ROR1: variants seen among roughly 807,000 people sequenced by gnomAD.
ROR1 encodes the protein ROR family WNT receptor 1.
A neutral mutation model predicts 78.8 loss-of-function variants in ROR1; 19 were observed. That is an observed-to-expected ratio of 0.24 (90% CI 0.17 to 0.35). ROR1 has a LOEUF of 0.35. Ranked by LOEUF, ROR1 falls within the 10% of genes least tolerant of loss-of-function variation. ROR1 has a pLI of 1.00. For synonymous variants in ROR1, 386 were observed against 433.6 expected (o/e 0.89, Z 1.36); for missense variants, 917 against 1,177.8 (o/e 0.78, Z 3.24).
At chr1:63,970,626 T>C (rs1646111784) in intron 1 of ROR1, among the ~76,000 whole-genome samples, 3 of 152,160 alleles carry the variant, frequency 2.0e-5, no homozygotes, top group South Asian at 2.1e-4. Context: ...GAATCATACA[T>C]GGGCTGCTGT....
At chr1:63,930,557 T>C (rs1330879139) in intron 1 of ROR1, among the ~76,000 whole-genome samples, 4 of 152,202 alleles carry the variant, frequency 2.6e-5, no homozygotes, top group Admixed American at 2.6e-4. Context: ...GGTGGTAGAC[T>C]TACTGGGTGG....
At chr1:64,091,003 T>A (rs1256471996) in intron 4 of ROR1, among the ~76,000 whole-genome samples, 2 of 152,092 alleles carry the variant, frequency 1.3e-5, no homozygotes, top group African/African-American at 4.8e-5. Context: ...GTTATCAGCC[T>A]CTCTTGAGAA....
At chr1:63,934,688 G>T (rs1036619030) in intron 1 of ROR1, among the ~76,000 whole-genome samples, 1 of 152,212 alleles carries the variant, frequency 6.6e-6, no homozygotes, top group East Asian at 1.9e-4. Flanking sequence ...CTTTGTCAGG[G>T]TTTCCTTTTT....
At chr1:64,171,900 C>T (rs1390770506) in intron 8 of ROR1, among the ~76,000 whole-genome samples, 4 of 152,160 alleles carry the variant, frequency 2.6e-5, no homozygotes, top group South Asian at 2.1e-4. Flanking sequence ...AAATCCTCAC[C>T]GCATATCCTA....
At chr1:64,134,993 C>T (rs928961914) in intron 4 of ROR1, among the ~76,000 whole-genome samples, 34 of 152,194 alleles carry the variant, frequency 2.2e-4, no homozygotes, top group African/African-American at 7.9e-4. Flanking sequence ...AGATGATCCA[C>T]CCGTCTCGGC....
intron 1 of ROR1, among the ~76,000 whole-genome samples, chr1:64,001,994 G>C (rs1396412416): frequency 2.0e-5 from 3 of 152,096 alleles, no homozygotes. Flanking sequence ...GGGGGTGGTG[G>C]CTAGGGGACA....
rs375402118 is a variant in ROR1, at chr1:63,800,061, T to C, written c.91+25553T>C. ...AGGCTTGTGAATATTTTCCTTTCCT[T>C]AGCTCAGGAGATGGGCAGGCAGCCA... On this transcript the variant is annotated intron_variant, in intron 1 of 8. Transcript: ENST00000371079. 1.2e-4 allele frequency among the ~76,000 whole-genome samples: 18 copies of C among 152,312 alleles called. No individual in the cohort carries two copies. The East Asian group carries it at 2.7e-3, about 23-fold the overall frequency.
chr1:64,009,670 C>T (rs1646460256), intron 2 of ROR1, among the ~76,000 whole-genome samples: 1 of 152,028 alleles, frequency 6.6e-6, no homozygotes, highest in African/African-American at 2.4e-5. Flanking sequence ...TCTGACACTA[C>T]ATCTAGTGGA....
At chr1:63,989,967 T>G (rs1214370138) in intron 1 of ROR1, among the ~76,000 whole-genome samples, 1 of 152,172 alleles carries the variant, frequency 6.6e-6, no homozygotes, top group African/African-American at 2.4e-5. Flanking sequence ...CTAAAGCACT[T>G]GCTTTCATTG....
intron 1 of ROR1, among the ~76,000 whole-genome samples, chr1:63,808,735 A>G (rs953883276): frequency 6.6e-6 from 1 of 152,146 alleles, no homozygotes; most frequent in African/African-American, 2.4e-5. Context: ...TTTTCCAGTC[A>G]CTGTAGATGA....
intron 1 of ROR1, among the ~76,000 whole-genome samples, chr1:63,999,566 T>A (rs1333338386): frequency 6.6e-6 from 1 of 152,162 alleles, no homozygotes; most frequent in Non-Finnish European, 1.5e-5. Context: ...CTTCTCTGTG[T>A]TCCTACCAGA....
At chr1:64,106,050 A>C (rs944860052) in intron 4 of ROR1, 2 of 152,152 alleles carry the variant, frequency 1.3e-5, no homozygotes, top group Non-Finnish European at 2.9e-5. Context: ...TACGTTGGAC[A>C]GTATGGCCAT....
chr1:63,863,096 C>G (rs1239047264), intron 1 of ROR1, among the ~76,000 whole-genome samples: 2 of 152,206 alleles, frequency 1.3e-5, no homozygotes, highest in Admixed American at 6.5e-5. Context: ...TCTCCTGACT[C>G]CCACACCAGC....
intron 1 of ROR1, among the ~76,000 whole-genome samples, chr1:63,954,175 T>G (rs558492365): frequency 6.6e-6 from 1 of 152,348 alleles, no homozygotes; most frequent in South Asian, 2.1e-4. Flanking sequence ...ATCCTTGTCC[T>G]TTTGCTCCAC....
At chr1:63,940,194 T>C (rs1389575984) in intron 1 of ROR1, among the ~76,000 whole-genome samples, 2 of 151,996 alleles carry the variant, frequency 1.3e-5, no homozygotes, top group Non-Finnish European at 2.9e-5. Flanking sequence ...GTCAGACCAC[T>C]CTAAAGAACC....
chr1:64,144,535 GT>G (rs1340447690), intron 7 of ROR1, among the ~76,000 whole-genome samples: 1 of 152,228 alleles, frequency 6.6e-6, no homozygotes, highest in Non-Finnish European at 1.5e-5. Flanking sequence ...ATCTAACTGA[GT>G]GGCTACCATG....
intron 1 of ROR1, among the ~76,000 whole-genome samples, chr1:63,831,943 GA>G (rs1029520852): frequency 1.3e-5 from 2 of 152,016 alleles, no homozygotes; most frequent in African/African-American, 4.8e-5. Context: ...TTGCTGCTTG[GA>G]AATTTCTTCT....
chr1:63,998,787 C>T (rs954593971), intron 1 of ROR1, among the ~76,000 whole-genome samples: 1 of 152,150 alleles, frequency 6.6e-6, no homozygotes, highest in African/African-American at 2.4e-5. Context: ...TGGTTTAGCT[C>T]TGTGTCCCCA....
chr1:63,877,307 A>G (rs1171682275), intron 1 of ROR1, among the ~76,000 whole-genome samples: 1 of 152,116 alleles, frequency 6.6e-6, no homozygotes, highest in Non-Finnish European at 1.5e-5. Context: ...ATCAACATAG[A>G]TTCAGATGTG....
Sources: gnomAD v4.1 joint callset for allele counts (sites outside exome capture counted in the v4.1 genomes callset) on GRCh38, gnomAD v4.1.1 for gene constraint, MANE v1.5 for transcripts, NCBI Gene and HGNC (gene_info 2026-07-23, HGNC 2026-07-21) for gene names.